The following RABGAP1 variants were observed in gnomAD, a reference collection of about 807,000 sequenced individuals.
RABGAP1 encodes the protein RAB GTPase activating protein 1.
A neutral mutation model predicts 137.6 loss-of-function variants in RABGAP1; 23 were observed. The ratio of observed to expected loss-of-function variants is 0.17; its 90% CI spans 0.12 to 0.24. The LOEUF (loss-of-function observed/expected upper bound fraction) is 0.24, where lower values mean the gene tolerates loss of function less well. RABGAP1 is among the 10% of genes least tolerant of loss of function. The pLI is 1.00. For missense variants in RABGAP1, 906 were observed against 1,275.8 expected, an observed-to-expected ratio of 0.71 and a Z score of 4.42; for synonymous variants, 451 against 450.7, an observed-to-expected ratio of 1.00 and a Z score of -0.01.
At chr9:122,966,004 A>G (rs1312864260) in intron 2 of RABGAP1, among the ~76,000 whole-genome samples, 5 of 152,172 alleles carry the variant, frequency 3.3e-5, no homozygotes, top group African/African-American at 1.2e-4. Context: ...TTTAGTCTAA[A>G]TCTGAACTAA....
chr9:122,981,388 A>G (rs679064), intron 2 of RABGAP1, among the ~76,000 whole-genome samples: 114,931 of 152,110 alleles, frequency 0.76, 45,382 homozygotes, highest in Middle Eastern at 0.89. Context: ...TGTTGACTAT[A>G]TGACAGATGC....
At chr9:123,016,155 A>G (rs2031210434) in intron 12 of RABGAP1, among the ~76,000 whole-genome samples, 1 of 152,226 alleles carries the variant, frequency 6.6e-6, no homozygotes, top group African/African-American at 2.4e-5. Context: ...CATCAGCTCA[A>G]GAGATGGTTT....
chr9:123,082,772 A>G (rs2034751293), intron 19 of RABGAP1, among the ~76,000 whole-genome samples: 1 of 152,270 alleles, frequency 6.6e-6, no homozygotes, highest in African/African-American at 2.4e-5. Flanking sequence ...TACTAGTACA[A>G]AAACCAAATA....
intron 25 of RABGAP1, 145 bp from the exon 26 acceptor site, chr9:123,102,946 C>A: frequency 8.9e-7 from 1 of 1,126,796 alleles, no homozygotes; most frequent in Non-Finnish European, 1.2e-6. Flanking sequence ...GCATTTCAGG[C>A]ATTTCTATGC....
chr9:122,947,242 G>A (rs1481893494), intron 1 of RABGAP1, among the ~76,000 whole-genome samples: 1 of 152,148 alleles, frequency 6.6e-6, no homozygotes, highest in Non-Finnish European at 1.5e-5. Flanking sequence ...GTTATGAAAT[G>A]ATAAATATTG....
chr9:123,014,851 A>T (rs922609891), intron 11 of RABGAP1, among the ~76,000 whole-genome samples: 1 of 152,124 alleles, frequency 6.6e-6, no homozygotes, highest in African/African-American at 2.4e-5. Flanking sequence ...CCTTCTTCAC[A>T]TGGCAGCAGG....
At chr9:123,073,955 C>T (rs2034436744) in intron 16 of RABGAP1, among the ~76,000 whole-genome samples, 1 of 152,124 alleles carries the variant, frequency 6.6e-6, no homozygotes, top group Non-Finnish European at 1.5e-5. Context: ...AAGTACTCCC[C>T]AAGGCTCTGA....
chr9:122,950,555 AC>A (rs1834190289), intron 1 of RABGAP1, among the ~76,000 whole-genome samples: 1 of 151,428 alleles, frequency 6.6e-6, no homozygotes, highest in Non-Finnish European at 1.5e-5. Flanking sequence ...TATTCTCATA[AC>A]ACCCTTTACA....
At chr9:123,039,160 G>A (rs980446656) in intron 13 of RABGAP1, among the ~76,000 whole-genome samples, 8 of 152,134 alleles carry the variant, frequency 5.3e-5, no homozygotes, top group African/African-American at 1.9e-4. Flanking sequence ...CCCACACTTT[G>A]ATCTTTGAAG....
At chr9:123,099,848 T>TG (rs1406918338) in intron 24 of RABGAP1, among the ~76,000 whole-genome samples, 7 of 152,210 alleles carry the variant, frequency 4.6e-5, no homozygotes, top group Admixed American at 3.9e-4. Flanking sequence ...GAAGGAGTCA[T>TG]GCAAGTGATA....
At chr9:123,020,546 G>C in intron 13 of RABGAP1, 87 bp downstream of exon 13, 1 of 1,238,048 alleles carries the variant, frequency 8.1e-7, no homozygotes, top group Non-Finnish European at 1.1e-6. Context: ...CTTATAAGAA[G>C]TGTTTATTAT....
chr9:123,010,650 G>A, intron 11 of RABGAP1, 122 bp downstream of exon 11: 12 of 962,214 alleles, frequency 1.2e-5, no homozygotes, highest in Non-Finnish European at 1.5e-5. Flanking sequence ...AATTCCTTAT[G>A]AGAGTTTACT....
At chr9:122,957,599 A>G (rs1834596430) in intron 2 of RABGAP1, among the ~76,000 whole-genome samples, 1 of 152,062 alleles carries the variant, frequency 6.6e-6, no homozygotes, top group African/African-American at 2.4e-5. Flanking sequence ...AAACAACTTT[A>G]AATACCTGGC....
At chr9:122,984,435 A>G (rs752944766) in intron 2 of RABGAP1, 50 bp from the exon 3 acceptor site, 48 of 1,489,606 alleles carry the variant, frequency 3.2e-5, no homozygotes, top group Middle Eastern at 1.7e-4. Flanking sequence ...TTTAATCAAT[A>G]CTGGCCAATC....
At chr9:122,939,439 T>A (rs1346812092), upstream of RABGAP1, 1 of 152,126 alleles carries the variant, frequency 6.6e-6, no homozygotes, top group East Asian at 1.9e-4. Context: ...CCCAAAGTGT[T>A]AAAATTACAG....
Position 123,104,332 on chromosome 9 carries a change from T to C in RABGAP1, c.*1119T>C, listed in dbSNP as rs1352119644. ...GATGGGCTGGGCCTTTGGGCCCTCC[T>C]CAGAGTATGCCTGGGTACAAACCTC... is the stretch of plus-strand genomic sequence containing the variant. On this transcript the variant is annotated 3_prime_UTR_variant, in exon 26 of 26. Coordinates refer to ENST00000373647, the MANE Select transcript of RABGAP1 (RefSeq NM_012197.4). The C allele has an allele frequency of 6.6e-6, 1 of 152,436 alleles. No homozygotes were observed. The highest frequency in any genetic ancestry group is 1.5e-5 in the Non-Finnish European group (1 of 68,040). 9.4% of individuals were successfully genotyped at this position (152,436 alleles called of 1,614,324 possible). A position where few individuals can be genotyped will look rare whatever the true frequency, so the allele number is the denominator to read the frequency against.
At chr9:123,042,026 G>C (rs887396632) in intron 13 of RABGAP1, among the ~76,000 whole-genome samples, 2 of 152,146 alleles carry the variant, frequency 1.3e-5, no homozygotes, top group Non-Finnish European at 2.9e-5. Flanking sequence ...TTACTCTTTG[G>C]AAAAGCTGAA....
intron 21 of RABGAP1, among the ~76,000 whole-genome samples, chr9:123,093,210 C>T (rs149221516): frequency 9.9e-5 from 15 of 152,264 alleles, no homozygotes; most frequent in East Asian, 3.9e-4. Context: ...CTTGTATTTT[C>T]GGTTGATTAT....
rs751132702 is a variant in RABGAP1 at position 123,020,435 on chromosome 9, G to A, written c.1770G>A (p.Glu590=). ...GTCATAACAATGACCACCTGGTAGAGAAATACCGCATTCTTATCACAAAGG... is the reference window on the plus strand; with the variant it reads ...GTCATAACAATGACCACCTGGTAGAAAAATACCGCATTCTTATCACAAAGG... ...AGCHNNDHLV[E]KYRILITKES... Residue 590 remains glutamate, a synonymous_variant, in exon 13 of 26, where the codon GAG becomes GAA. Transcript: ENST00000373647. 6 of 1,600,818 alleles carry A rather than the reference G, an allele frequency of 3.7e-6. No homozygotes were observed. In the Admixed American group the frequency reaches 1.0e-4, roughly 27 times the overall value.
Sources: gnomAD v4.1 joint callset for allele counts (sites outside exome capture counted in the v4.1 genomes callset) on GRCh38, gnomAD v4.1.1 for gene constraint, MANE v1.5 for transcripts, NCBI Gene and HGNC (gene_info 2026-07-23, HGNC 2026-07-21) for gene names.